The following NARS2 variants were observed in gnomAD, a reference collection of about 807,000 sequenced individuals.
NARS2 encodes the protein asparaginyl-tRNA synthetase 2, mitochondrial, also known as asparaginyl-tRNA synthetase.
A neutral mutation model predicts 62.9 loss-of-function variants in NARS2; 60 were observed. The ratio of observed to expected loss-of-function variants is 0.95; its 90% CI spans 0.77 to 1.18. The LOEUF (loss-of-function observed/expected upper bound fraction) is 1.18. Ranked by LOEUF, NARS2 falls within the 50% of genes most tolerant of loss-of-function variation. The pLI, the probability that NARS2 is intolerant of heterozygous loss-of-function variation, is 0.00. For synonymous variants in NARS2, 196 were observed against 200.0 expected, an observed-to-expected ratio of 0.98 and a Z score of 0.17; for missense variants, 619 against 576.4, an observed-to-expected ratio of 1.07 and a Z score of -0.76.
chr11:78,441,145 A>G, intron 12 of NARS2, 28 bp from the exon 13 acceptor site: 3 of 1,600,876 alleles, frequency 1.9e-6, no homozygotes, highest in Non-Finnish European at 8.5e-7. Flanking sequence ...AAATTCTTTC[A>G]GGGAACGGCA....
chr11:78,564,906 A>AG (rs1856691413), intron 4 of NARS2, among the ~76,000 whole-genome samples: 1 of 152,208 alleles, frequency 6.6e-6, no homozygotes, highest in Non-Finnish European at 1.5e-5. Context: ...AGCTTTTTCA[A>AG]GGGGCAAGAA....
intron 6 of NARS2, among the ~76,000 whole-genome samples, chr11:78,520,248 G>T (rs1315668081): frequency 6.6e-6 from 1 of 152,088 alleles, no homozygotes; most frequent in African/African-American, 2.4e-5. Flanking sequence ...AGATTCTAGG[G>T]AAGAATCCTT....
At chr11:78,538,433 A>T (rs894999445) in intron 5 of NARS2, among the ~76,000 whole-genome samples, 7 of 152,220 alleles carry the variant, frequency 4.6e-5, no homozygotes, top group East Asian at 3.9e-4. Flanking sequence ...AAAAAAGAAA[A>T]TAACATGTAA....
chr11:78,552,601 T>C (rs1198374810), intron 5 of NARS2, among the ~76,000 whole-genome samples: 1 of 152,190 alleles, frequency 6.6e-6, no homozygotes, highest in Non-Finnish European at 1.5e-5. Flanking sequence ...CTGAGATAAA[T>C]GCATATTTGA....
intron 11 of NARS2, among the ~76,000 whole-genome samples, chr11:78,465,195 G>A (rs1380837413): frequency 6.6e-6 from 1 of 152,238 alleles, no homozygotes; most frequent in African/African-American, 2.4e-5. Flanking sequence ...ACTGCCCGGA[G>A]CAGGTGGGGC....
intron 11 of NARS2, among the ~76,000 whole-genome samples, chr11:78,447,397 G>A (rs1253859812): frequency 2.0e-5 from 3 of 152,002 alleles, no homozygotes; most frequent in African/African-American, 7.2e-5. Context: ...ATACACTGTT[G>A]GTGGGAATGT....
At chr11:78,520,753 G>C (rs1012116404) in intron 6 of NARS2, among the ~76,000 whole-genome samples, 8 of 152,058 alleles carry the variant, frequency 5.3e-5, no homozygotes, top group Non-Finnish European at 1.2e-4. Flanking sequence ...TGTTAAGTAA[G>C]AGTAAAATAG....
rs186111464 is a variant in NARS2, at chr11:78,524,891, C to T, written c.689+3951G>A. Among the ~76,000 whole-genome samples the T allele has an allele frequency of 2.3e-3, 345 of 152,130 alleles. 1 individual carries two copies. Among genetic ancestry groups the T allele is most frequent in the African/African-American group, 8.1e-3 (336 of 41,528 alleles). On this transcript the variant is annotated intron_variant, in intron 6 of 13. Coordinates refer to ENST00000281038, the MANE Select transcript of NARS2 (RefSeq NM_024678.6). ...GAAATCTGCCAAAACTTGGAAACAA[C>T]CAAAAGATGTCTTTCAACAGGTGAA... is the stretch of plus-strand genomic sequence containing the variant.
chr11:78,518,488 C>T (rs1860993626), intron 6 of NARS2, among the ~76,000 whole-genome samples: 1 of 152,108 alleles, frequency 6.6e-6, no homozygotes, highest in Admixed American at 6.6e-5. Context: ...TGAAAAAGAA[C>T]TACAAAATGG....
In NARS2 at chr11:78,574,759, G is replaced by A. The variant is rs574270992; in HGVS notation, c.-271C>T. 1.4e-5 allele frequency: 6 copies of A among 440,924 alleles called. No individual in the cohort carries two copies. The highest frequency in any genetic ancestry group is 1.4e-4 in the South Asian group (4 of 29,442). 27.3% of individuals were successfully genotyped at this position (440,924 alleles called of 1,614,324 possible). Reference sequence around the variant, plus strand: ...ACCACGTGCAGTTGGCAGCTGGGGCGCCCCACTACCCGCGACAATTGTAAA... The same window carrying A: ...ACCACGTGCAGTTGGCAGCTGGGGCACCCCACTACCCGCGACAATTGTAAA... On this transcript the variant is annotated 5_prime_UTR_variant, in exon 1 of 14. Transcript: ENST00000281038.
chr11:78,506,559 G>GA (rs1308691758), intron 6 of NARS2, among the ~76,000 whole-genome samples: 3 of 152,152 alleles, frequency 2.0e-5, no homozygotes, highest in Non-Finnish European at 4.4e-5. Context: ...TTTTGAGATG[G>GA]AGTCTCGCTC....
intron 2 of NARS2, among the ~76,000 whole-genome samples, chr11:78,570,302 C>G (rs1856879681): frequency 6.6e-6 from 1 of 152,174 alleles, no homozygotes; most frequent in South Asian, 2.1e-4. Flanking sequence ...TTAACCCTAA[C>G]AATCCCCGGA....
chr11:78,448,732 A>G (rs1857853833), intron 11 of NARS2, among the ~76,000 whole-genome samples: 1 of 152,216 alleles, frequency 6.6e-6, no homozygotes, highest in African/African-American at 2.4e-5. Flanking sequence ...GGTAGACCAG[A>G]TGAGACTGGT....
chr11:78,510,308 G>C (rs1259273917), intron 6 of NARS2, among the ~76,000 whole-genome samples: 1 of 152,076 alleles, frequency 6.6e-6, no homozygotes, highest in Non-Finnish European at 1.5e-5. Flanking sequence ...GCAAATAGGA[G>C]ACAAAAGAGA....
At chr11:78,554,508 C>CGTGTGT (rs71046981) in intron 5 of NARS2, among the ~76,000 whole-genome samples, 260 of 147,014 alleles carry the variant, frequency 1.8e-3, no homozygotes, top group African/African-American at 5.2e-3. Flanking sequence ...GGCGTGTGTG[C>CGTGTGT]GTGTGTGTGT....
At chr11:78,510,967 G>T (rs4944204) in intron 6 of NARS2, among the ~76,000 whole-genome samples, 107,457 of 152,066 alleles carry the variant, frequency 0.71, 39,110 homozygotes, top group Non-Finnish European at 0.81. Flanking sequence ...TAACCTATGG[G>T]GACAATAGAT....
intron 5 of NARS2, among the ~76,000 whole-genome samples, chr11:78,545,926 A>T (rs536675575): frequency 6.6e-6 from 1 of 152,106 alleles, no homozygotes; most frequent in South Asian, 2.1e-4. Context: ...CCTTTTTCCC[A>T]ATTTATTTTT....
chr11:78,497,513 C>T (rs951331561), intron 6 of NARS2, among the ~76,000 whole-genome samples: 1 of 152,212 alleles, frequency 6.6e-6, no homozygotes, highest in African/African-American at 2.4e-5. Context: ...ACCTCCATAT[C>T]ACTTCTTTAC....
intron 10 of NARS2, among the ~76,000 whole-genome samples, chr11:78,467,102 G>T (rs1334818950): frequency 6.6e-6 from 1 of 152,264 alleles, no homozygotes; most frequent in East Asian, 1.9e-4. Context: ...AAACACAAAG[G>T]TTAACATTAT....
Sources: gnomAD v4.1 joint callset for allele counts (sites outside exome capture counted in the v4.1 genomes callset) on GRCh38, gnomAD v4.1.1 for gene constraint, MANE v1.5 for transcripts, NCBI Gene and HGNC (gene_info 2026-07-23, HGNC 2026-07-21) for gene names.